Variants in GABRB1 observed in about 807,000 individuals in gnomAD.
GABRB1 encodes the protein gamma-aminobutyric acid receptor subunit beta-1.
In GABRB1, 17 loss-of-function variants were observed where a neutral mutation model predicts 51.6. The ratio of observed to expected loss-of-function variants is 0.33; its 90% confidence interval spans 0.23 to 0.49. GABRB1 has a LOEUF of 0.49. GABRB1 is among the 20% of genes least tolerant of loss of function. GABRB1 has a pLI of 0.99. For missense variants in GABRB1, 410 were observed against 600.6 expected, an observed-to-expected ratio of 0.68 and a Z score of 3.32; for synonymous variants, 247 against 218.9, an observed-to-expected ratio of 1.13 and a Z score of -1.14.
At chr4:47,273,898 CACAT>C (rs1277784955) in intron 4 of GABRB1, among the ~76,000 whole-genome samples, 1 of 151,548 alleles carries the variant, frequency 6.6e-6, no homozygotes, top group East Asian at 1.9e-4. Context: ...CACACACACA[CACAT>C]TGAAGGTAGA....
At chr4:47,270,765 CT>C (rs1222498869) in intron 4 of GABRB1, among the ~76,000 whole-genome samples, 2 of 31,806 alleles carry the variant, frequency 6.3e-5, no homozygotes, top group East Asian at 0.012. Flanking sequence ...GTCAAAAGCA[CT>C]AACCCAACTT....
chr4:47,009,740 G>T (rs1724533749), intron 1 of GABRB1, among the ~76,000 whole-genome samples: 1 of 152,104 alleles, frequency 6.6e-6, no homozygotes, highest in East Asian at 1.9e-4. Flanking sequence ...GGGGTTTTAG[G>T]GCCTGTCCAC....
rs572520261 is a variant in GABRB1, at chr4:47,234,375, T to C, written c.461+72906T>C. On this transcript the variant is annotated intron_variant, in intron 4 of 8. Coordinates refer to ENST00000295454, the MANE Select transcript of GABRB1 (RefSeq NM_000812.4). ...GGTGGTGCATGCCTGTAATCCCAGC[T>C]ACTCAGGAGGCTGAGGCAGGAGAAT... Among the ~76,000 whole-genome samples, 961 of 152,056 alleles carry C rather than the reference T, an allele frequency of 6.3e-3. 7 individuals carry two copies. The highest frequency in any genetic ancestry group is 0.011 in the Admixed American group (162 of 15,278).
chr4:47,008,489 G>A (rs1052367294), intron 1 of GABRB1, among the ~76,000 whole-genome samples: 1 of 150,548 alleles, frequency 6.6e-6, no homozygotes, highest in Non-Finnish European at 1.5e-5. Context: ...TTGAGATGGA[G>A]TCTCACTCTT....
chr4:47,318,381 C>T (rs558292023), intron 4 of GABRB1, among the ~76,000 whole-genome samples: 7 of 152,028 alleles, frequency 4.6e-5, no homozygotes, highest in African/African-American at 1.7e-4. Context: ...GAGGAATCTA[C>T]GTTATACATA....
At chr4:47,352,499 T>A (rs941771696) in intron 5 of GABRB1, among the ~76,000 whole-genome samples, 1 of 152,164 alleles carries the variant, frequency 6.6e-6, no homozygotes, top group African/African-American at 2.4e-5. Flanking sequence ...TTGATGATCA[T>A]TGATGCAAAA....
At chr4:47,178,035 T>C (rs778684994) in intron 4 of GABRB1, among the ~76,000 whole-genome samples, 1 of 152,070 alleles carries the variant, frequency 6.6e-6, no homozygotes, top group African/African-American at 2.4e-5. Context: ...AGGATGGATG[T>C]TGGTGGAAGC....
chr4:47,299,260 G>T (rs1044280769), intron 4 of GABRB1, among the ~76,000 whole-genome samples: 17 of 152,114 alleles, frequency 1.1e-4, no homozygotes, highest in African/African-American at 3.9e-4. Flanking sequence ...AAACTAAAGA[G>T]CTTCTGCACA....
intron 5 of GABRB1, among the ~76,000 whole-genome samples, chr4:47,344,673 AAT>A (rs1726024258): frequency 6.6e-6 from 1 of 152,032 alleles, no homozygotes; most frequent in South Asian, 2.1e-4. Context: ...GTCTCCAACC[AAT>A]CTGTTACTGG....
At chr4:47,413,877 G>A (rs1304412233) in intron 8 of GABRB1, among the ~76,000 whole-genome samples, 2 of 152,188 alleles carry the variant, frequency 1.3e-5, no homozygotes, top group African/African-American at 2.4e-5. Flanking sequence ...CCTCTAAGGT[G>A]ATAAAGACTG....
chr4:47,389,638 G>T (rs1236645847), intron 5 of GABRB1, among the ~76,000 whole-genome samples: 1 of 152,178 alleles, frequency 6.6e-6, no homozygotes, highest in Non-Finnish European at 1.5e-5. Context: ...TTCTTGGGGT[G>T]TCATGGAGAT....
intron 4 of GABRB1, among the ~76,000 whole-genome samples, chr4:47,195,438 A>AGAT (rs1719630982): frequency 3.6e-5 from 4 of 110,012 alleles, no homozygotes; most frequent in African/African-American, 8.3e-5. Context: ...ATAGATAGAT[A>AGAT]GATAGATGAT....
intron 3 of GABRB1, among the ~76,000 whole-genome samples, chr4:47,150,160 A>G (rs1717360672): frequency 6.8e-6 from 1 of 147,568 alleles, no homozygotes; most frequent in African/African-American, 2.5e-5. Context: ...ACCAGTACCT[A>G]TGCTTATACA....
intron 5 of GABRB1, among the ~76,000 whole-genome samples, chr4:47,396,988 A>G (rs1334614568): frequency 6.6e-6 from 1 of 151,994 alleles, no homozygotes; most frequent in Admixed American, 6.5e-5. Flanking sequence ...TATTCTCATT[A>G]AGGTTTTTGT....
intron 5 of GABRB1, among the ~76,000 whole-genome samples, chr4:47,383,409 T>A (rs1387762035): frequency 1.3e-5 from 2 of 152,044 alleles, no homozygotes; most frequent in African/African-American, 4.8e-5. Context: ...ATTTAAAAAT[T>A]GAATTGGGTA....
At chr4:47,201,499 A>T (rs1361924080) in intron 4 of GABRB1, among the ~76,000 whole-genome samples, 2 of 152,170 alleles carry the variant, frequency 1.3e-5, no homozygotes, top group Admixed American at 1.3e-4. Context: ...TCTTTGCTAG[A>T]TAATGGAATA....
At chr4:47,187,184 C>G (rs1175137812) in intron 4 of GABRB1, among the ~76,000 whole-genome samples, 3 of 151,754 alleles carry the variant, frequency 2.0e-5, no homozygotes, top group African/African-American at 7.3e-5. Flanking sequence ...ACAGTTTGTA[C>G]CTAAGCAAGT....
At chr4:47,160,307 A>G (rs929511860) in intron 3 of GABRB1, among the ~76,000 whole-genome samples, 4 of 152,134 alleles carry the variant, frequency 2.6e-5, no homozygotes, top group Non-Finnish European at 5.9e-5. Context: ...GGTAAGAGAG[A>G]AATGTTGAAT....
Position 47,011,820 on chromosome 4 carries a change from A to G in GABRB1, c.-20+17894A>G, listed in dbSNP as rs143116860. On this transcript the variant is annotated intron_variant, in intron 1 of 3. Transcript: ENST00000513567. ...ATGAGTATAAATCTTCCCACCAACT[A>G]TATATGCTGTATAGGCTTCTATAAA... 2.9e-3 allele frequency among the ~76,000 whole-genome samples: 435 copies of G among 152,268 alleles called. 3 individuals carry two copies. Among genetic ancestry groups the G allele is most frequent in the African/African-American group, 0.01 (427 of 41,556 alleles).
Sources: gnomAD v4.1 joint callset for allele counts (sites outside exome capture counted in the v4.1 genomes callset) on GRCh38, gnomAD v4.1.1 for gene constraint, MANE v1.5 for transcripts, NCBI Gene and HGNC (gene_info 2026-07-23, HGNC 2026-07-21) for gene names.